The following ROR1 variants were observed in gnomAD, a reference collection of about 807,000 sequenced individuals.
The protein encoded by ROR1 is ROR family WNT receptor 1.
In ROR1, 19 loss-of-function variants were observed where a neutral mutation model predicts 78.8. The observed-to-expected ratio is 0.24, with a 90% CI of 0.17 to 0.35. The LOEUF (loss-of-function observed/expected upper bound fraction) is 0.35. ROR1 is among the 10% of genes least tolerant of loss of function. The pLI, the probability that ROR1 is intolerant of heterozygous loss-of-function variation, is 1.00. For synonymous variants in ROR1, 386 were observed against 433.6 expected (o/e 0.89, Z 1.36); for missense variants, 917 against 1,177.8 (o/e 0.78, Z 3.24).
In ROR1 at chr1:64,019,065, C is replaced by G. The variant is rs140125579; in HGVS notation, c.163+9689C>G. ...TGCCTGGGTCTGTTCTCCTCCTCCC[C>G]TCATTCTTATTTTATTGGTCTGGTG... On this transcript the variant is annotated intron_variant, in intron 2 of 8. Coordinates refer to ENST00000371079, the MANE Select transcript of ROR1 (RefSeq NM_005012.4). Among the ~76,000 whole-genome samples the G allele has an allele frequency of 2.0e-5, 3 of 152,176 alleles. No homozygotes were observed. In the East Asian group the frequency reaches 5.8e-4, roughly 29 times the overall value.
intron 1 of ROR1, among the ~76,000 whole-genome samples, chr1:63,864,801 T>C (rs1202259209): frequency 6.6e-6 from 1 of 151,866 alleles, no homozygotes; most frequent in Non-Finnish European, 1.5e-5. Context: ...TCAATCTTTT[T>C]TTTTTTTGCC....
intron 1 of ROR1, among the ~76,000 whole-genome samples, chr1:63,933,423 G>A (rs917051434): frequency 6.6e-6 from 1 of 152,152 alleles, no homozygotes; most frequent in Non-Finnish European, 1.5e-5. Context: ...GGCTTAAATA[G>A]CCCAGTAGGA....
chr1:63,838,454 G>T (rs1349561812), intron 1 of ROR1, among the ~76,000 whole-genome samples: 1 of 151,934 alleles, frequency 6.6e-6, no homozygotes, highest in Non-Finnish European at 1.5e-5. Context: ...GTAGGCCTAG[G>T]CTAATGTGTG....
chr1:63,852,058 T>C (rs1217646254), intron 1 of ROR1, among the ~76,000 whole-genome samples: 1 of 152,270 alleles, frequency 6.6e-6, no homozygotes, highest in African/African-American at 2.4e-5. Flanking sequence ...CAAAGGCATA[T>C]GACAAATCCT....
At chr1:63,876,414 C>T (rs1226574306) in intron 1 of ROR1, among the ~76,000 whole-genome samples, 1 of 152,094 alleles carries the variant, frequency 6.6e-6, no homozygotes, top group Non-Finnish European at 1.5e-5. Context: ...CTCTGATTTC[C>T]AAAACTTCTG....
intron 2 of ROR1, among the ~76,000 whole-genome samples, chr1:64,032,857 G>T (rs755922717): frequency 1.6e-4 from 24 of 152,174 alleles, no homozygotes; most frequent in Non-Finnish European, 1.8e-4. Context: ...ATAAACAAGA[G>T]ACTTTTTTTA....
chr1:63,821,406 G>GAT (rs1644922512), intron 1 of ROR1, among the ~76,000 whole-genome samples: 1 of 152,138 alleles, frequency 6.6e-6, no homozygotes. Flanking sequence ...GTTGATGGTT[G>GAT]ATAGCATTTG....
intron 1 of ROR1, among the ~76,000 whole-genome samples, chr1:63,978,904 C>T (rs1258509275): frequency 2.6e-5 from 4 of 152,118 alleles, no homozygotes; most frequent in Non-Finnish European, 5.9e-5. Context: ...AGGAAAGGGC[C>T]GATGCTGTAG....
At chr1:64,157,263 A>G (rs1649800845) in intron 7 of ROR1, among the ~76,000 whole-genome samples, 1 of 152,020 alleles carries the variant, frequency 6.6e-6, no homozygotes, top group Non-Finnish European at 1.5e-5. Context: ...TCAGCCTCTC[A>G]AGTAGCCAGG....
At chr1:64,004,228 CATA>C (rs1441968946) in intron 1 of ROR1, among the ~76,000 whole-genome samples, 5 of 152,206 alleles carry the variant, frequency 3.3e-5, no homozygotes, top group African/African-American at 9.6e-5. Context: ...GATTGTATGA[CATA>C]ATGTTTTAAA....
chr1:64,104,924 G>C (rs1647733518), intron 4 of ROR1, among the ~76,000 whole-genome samples: 1 of 152,170 alleles, frequency 6.6e-6, no homozygotes, highest in Non-Finnish European at 1.5e-5. Flanking sequence ...ATAAACATAT[G>C]TGTGCATGTG....
At chr1:64,027,686 G>A (rs1164725185) in intron 2 of ROR1, among the ~76,000 whole-genome samples, 2 of 150,658 alleles carry the variant, frequency 1.3e-5, no homozygotes, top group Non-Finnish European at 3.0e-5. Flanking sequence ...TATTAATTTC[G>A]TTCTTTTTCT....
At chr1:63,781,911 C>T (rs933212475) in intron 1 of ROR1, among the ~76,000 whole-genome samples, 29 of 152,188 alleles carry the variant, frequency 1.9e-4, no homozygotes, top group Non-Finnish European at 8.8e-5. Context: ...GGTATATTCA[C>T]CACCTGCCCT....
At chr1:64,007,171 A>T (rs2100540243) in intron 1 of ROR1, among the ~76,000 whole-genome samples, 1 of 152,284 alleles carries the variant, frequency 6.6e-6, no homozygotes, top group East Asian at 1.9e-4. Flanking sequence ...TCTATCTCAG[A>T]TCAATTTTTA....
intron 4 of ROR1, among the ~76,000 whole-genome samples, chr1:64,126,351 A>G (rs1428110762): frequency 6.6e-6 from 1 of 152,168 alleles, no homozygotes; most frequent in Non-Finnish European, 1.5e-5. Flanking sequence ...TGGACTTTAT[A>G]CAATAGAGAG....
chr1:63,816,307 T>A lies in ROR1; in HGVS notation c.91+41799T>A, dbSNP rs142045249. Among the ~76,000 whole-genome samples, 400 of 152,234 alleles carry A rather than the reference T, an allele frequency of 2.6e-3. 4 individuals are homozygous for A. Among genetic ancestry groups the A allele is most frequent in the African/African-American group, 6.5e-3 (272 of 41,536 alleles). The stretch of plus-strand genomic sequence containing the variant: ...TGTAGTAGCTCCCATAACTCCCACG[T>A]GTTGTGGGAGAGACCCAGTGGGAGA... On this transcript the variant is annotated intron_variant, in intron 1 of 8. Transcript: ENST00000371079.
chr1:63,857,210 A>C (rs958376548), intron 1 of ROR1, among the ~76,000 whole-genome samples: 5 of 151,866 alleles, frequency 3.3e-5, no homozygotes, highest in Non-Finnish European at 7.4e-5. Context: ...CATATATGCA[A>C]TTGAAATCTC....
intron 1 of ROR1, among the ~76,000 whole-genome samples, chr1:63,946,587 A>G (rs1645891599): frequency 1.3e-5 from 2 of 152,236 alleles, no homozygotes; most frequent in Admixed American, 1.3e-4. Context: ...TTTTTAAGGC[A>G]ATCTTTGAAG....
chr1:63,910,964 A>G (rs999866150), intron 1 of ROR1, among the ~76,000 whole-genome samples: 2 of 152,156 alleles, frequency 1.3e-5, no homozygotes, highest in Non-Finnish European at 2.9e-5. Context: ...AGAAAAAGAG[A>G]TGACTTTTGT....
Sources: gnomAD v4.1 joint callset for allele counts (sites outside exome capture counted in the v4.1 genomes callset) on GRCh38, gnomAD v4.1.1 for gene constraint, MANE v1.5 for transcripts, NCBI Gene and HGNC (gene_info 2026-07-23, HGNC 2026-07-21) for gene names.